CASR: variants seen among roughly 807,000 people sequenced by gnomAD.
CASR encodes calcium sensing receptor, also known as extracellular calcium-sensing receptor.
CASR carries 23 observed loss-of-function variants against 69.1 expected under a neutral mutation model. The ratio of observed to expected loss-of-function variants is 0.33; its 90% CI spans 0.24 to 0.47. The LOEUF is 0.47. CASR is among the 20% of genes least tolerant of loss of function. CASR has a pLI of 1.00. For missense variants in CASR, 924 were observed against 1,356.1 expected (o/e 0.68, Z 5.00); for synonymous variants, 541 against 544.7 (o/e 0.99, Z 0.10).
intron 4 of CASR, among the ~76,000 whole-genome samples, chr3:122,274,513 C>T (rs749241935): frequency 1.3e-5 from 2 of 152,196 alleles, no homozygotes; most frequent in Non-Finnish European, 2.9e-5. Context: ...AATAATTTGG[C>T]CTCAGAAAGG....
At chr3:122,211,239 G>T (rs1382985131) in intron 1 of CASR, among the ~76,000 whole-genome samples, 2 of 152,116 alleles carry the variant, frequency 1.3e-5, no homozygotes, top group Non-Finnish European at 2.9e-5. Context: ...CTGACAAATG[G>T]GATCTAATTA....
intron 4 of CASR, among the ~76,000 whole-genome samples, chr3:122,262,903 G>A (rs1245233303): frequency 3.3e-5 from 5 of 152,114 alleles, no homozygotes; most frequent in Non-Finnish European, 7.3e-5. Flanking sequence ...CACAGCTTAG[G>A]ACAAAAGCAA....
chr3:122,291,412 G>T lies in CASR; in HGVS notation c.*6221G>T, dbSNP rs866905778. The T allele has an allele frequency of 7.3e-5, 11 of 151,718 alleles. No homozygotes were observed. Among genetic ancestry groups the T allele is most frequent in the Admixed American group, 2.0e-4 (3 of 15,216 alleles). The allele number at this position is 151,718 out of a possible 1,614,324, so 9.4% of individuals were successfully genotyped here. On this transcript the variant is annotated 3_prime_UTR_variant, in exon 7 of 7. Transcript: ENST00000639785. Reference sequence around the variant, plus strand: ...ACCTGTTGTTTCCTGACTTTTTAATGATCGCCATTCTAACTGGTGTGAGAT... The same window carrying T: ...ACCTGTTGTTTCCTGACTTTTTAATTATCGCCATTCTAACTGGTGTGAGAT...
intron 4 of CASR, among the ~76,000 whole-genome samples, chr3:122,267,784 A>T (rs760885132): frequency 3.9e-5 from 6 of 151,970 alleles, no homozygotes; most frequent in South Asian, 2.1e-4. Flanking sequence ...AAAAGTTGAT[A>T]AAAAAAATAA....
At position 122,261,698 on chromosome 3, in the gene CASR, G is replaced by A. The variant is rs750830429; in HGVS notation, c.663G>A (p.Pro221=). ...CAGCTGATGACGACTATGGGCGGCC[G>A]GGGATTGAGAAATTCCGAGAGGAAG... ...TIAADDDYGR[P]GIEKFREEAE... The change falls in exon 4 of 7, where the codon CCG becomes CCA. Residue 221 remains proline, a synonymous_variant. Transcript: ENST00000639785. 5.6e-6 allele frequency: 9 copies of A among 1,614,066 alleles called. No homozygotes were observed. Among genetic ancestry groups the A allele is most frequent in the African/African-American group, 5.3e-5 (4 of 74,932 alleles).
chr3:122,199,647 TAAA>T (rs1190552953), intron 1 of CASR, among the ~76,000 whole-genome samples: 2 of 152,046 alleles, frequency 1.3e-5, no homozygotes, highest in African/African-American at 4.8e-5. Context: ...TGTGAGGGTT[TAAA>T]AAAACACATA....
intron 1 of CASR, among the ~76,000 whole-genome samples, chr3:122,219,733 G>T (rs2107601163): frequency 1.3e-5 from 2 of 152,372 alleles, no homozygotes; most frequent in South Asian, 4.1e-4. Flanking sequence ...ACCATTGGAT[G>T]AGACATTTGG....
Position 122,288,443 on chromosome 3 carries a change from C to T in CASR, c.*3252C>T, listed in dbSNP as rs115288158. 2 of 152,358 alleles carry T rather than the reference C, an allele frequency of 1.3e-5. No individual in the cohort carries two copies. The highest frequency in any genetic ancestry group is 2.9e-5 in the Non-Finnish European group (2 of 68,034). 9.4% of individuals were successfully genotyped at this position (152,358 alleles called of 1,614,324 possible). On this transcript the variant is annotated 3_prime_UTR_variant, in exon 7 of 7. Transcript: ENST00000639785. ...TGAAGTTTATAGTAATTTGTTTCAG[C>T]AGCAACAGAAAACAAATACATTTGT...
chr3:122,200,994 C>CTTTTTTTTTTTTTTTTTT lies in CASR; in HGVS notation c.-243+17192_-243+17193insTTTTTTTTTTTTTTTTTT, dbSNP rs67815991. Among the ~76,000 whole-genome samples, 3 of 81,614 alleles carry CTTTTTTTTTTTTTTTTTT rather than the reference C, an allele frequency of 3.7e-5. 1 individual carries two copies. Among genetic ancestry groups the CTTTTTTTTTTTTTTTTTT allele is most frequent in the Non-Finnish European group, 2.4e-5 (1 of 41,384 alleles). 53.5% of individuals were successfully genotyped at this position (81,614 alleles called of 152,430 possible). On this transcript the variant is annotated intron_variant, in intron 1 of 6. Coordinates refer to ENST00000639785, the MANE Select transcript of CASR (RefSeq NM_000388.4). The stretch of plus-strand genomic sequence containing the variant: ...TGAATATCTTTTGCCCATTGCTTTT[C>CTTTTTTTTTTTTTTTTTT]TTTTTTTTTTATTTTTTTTTTTTTT...
rs559717153 is a variant in CASR, at chr3:122,273,700, C to T, written c.1378-2112C>T. ...TCCCCAGCAGGAAGTGGGAGGGGCACGATTACAGCATGGAGAAGGATGATG... is the reference window on the plus strand; with the variant it reads ...TCCCCAGCAGGAAGTGGGAGGGGCATGATTACAGCATGGAGAAGGATGATG... On this transcript the variant is annotated intron_variant, in intron 4 of 6. Coordinates refer to ENST00000639785, the MANE Select transcript of CASR (RefSeq NM_000388.4). Among the ~76,000 whole-genome samples, 5 of 152,154 alleles carry T rather than the reference C, an allele frequency of 3.3e-5. No individual in the cohort carries two copies. The East Asian group carries it at 7.7e-4, about 23-fold the overall frequency.
At position 122,290,803 on chromosome 3, in the gene CASR, T is replaced by A. The variant is rs1408079900; in HGVS notation, c.*5612T>A. On this transcript the variant is annotated 3_prime_UTR_variant, in exon 7 of 7. Coordinates refer to ENST00000639785, the MANE Select transcript of CASR (RefSeq NM_000388.4). ...TGCAGGTTTGTTACATATGTATACA[T>A]GTGCCATGTTGGTGTGCTGTACCCA... 1 of 151,832 alleles carries A rather than the reference T, an allele frequency of 6.6e-6. No homozygotes were observed. The highest frequency in any genetic ancestry group is 1.5e-5 in the Non-Finnish European group (1 of 67,930). 9.4% of individuals were successfully genotyped at this position (151,832 alleles called of 1,614,324 possible). A position where few individuals can be genotyped will look rare whatever the true frequency, so the allele number is the denominator to read the frequency against.
At chr3:122,195,149 A>T (rs977003122) in intron 1 of CASR, among the ~76,000 whole-genome samples, 2 of 152,166 alleles carry the variant, frequency 1.3e-5, no homozygotes, top group Non-Finnish European at 2.9e-5. Flanking sequence ...CACTCAACTT[A>T]CACATCCCAG....
chr3:122,228,065 G>A (rs928178627), intron 1 of CASR, among the ~76,000 whole-genome samples: 1 of 152,194 alleles, frequency 6.6e-6, no homozygotes, highest in Non-Finnish European at 1.5e-5. Flanking sequence ...TCCAGTGGAA[G>A]AACATTGAAT....
intron 5 of CASR, among the ~76,000 whole-genome samples, chr3:122,279,572 A>T (rs752830562): frequency 6.6e-6 from 1 of 152,224 alleles, no homozygotes; most frequent in African/African-American, 2.4e-5. Flanking sequence ...CAAAGTTCAT[A>T]AATGTAGCTT....
rs527299754 is a variant in CASR, at chr3:122,203,866, G to A, written c.-243+20054G>A. Among the ~76,000 whole-genome samples the A allele has an allele frequency of 2.0e-3, 309 of 152,238 alleles. 1 individual carries two copies. The highest frequency in any genetic ancestry group is 3.5e-3 in the Non-Finnish European group (235 of 68,016). ...ATGGTATATGCAGTTTGTAGTGTAT[G>A]ACTATATTTAGATTTTCTTTAATGT... On this transcript the variant is annotated intron_variant, in intron 1 of 6. Coordinates refer to ENST00000639785, the MANE Select transcript of CASR (RefSeq NM_000388.4).
In CASR at chr3:122,257,336, A is replaced by G. The variant is rs908914926; in HGVS notation, c.441A>G (p.Ser147=). Residue 147 remains serine, a synonymous_variant, in exon 3 of 7, where the codon TCA becomes TCG. Transcript: ENST00000639785. ...STIAVVGATG[S]GVSTAVANLL... is the part of the protein sequence containing the mutation. ...TTGCTGTGGTGGGAGCAACTGGCTC[A>G]GGCGTCTCCACGGCAGTGGCAAATC... 2.5e-6 allele frequency: 4 copies of G among 1,614,202 alleles called. No individual in the cohort carries two copies. Among genetic ancestry groups the G allele is most frequent in the Non-Finnish European group, 3.4e-6 (4 of 1,180,008 alleles).
chr3:122,219,776 G>T (rs2074153518), intron 1 of CASR, among the ~76,000 whole-genome samples: 1 of 152,196 alleles, frequency 6.6e-6, no homozygotes, highest in Non-Finnish European at 1.5e-5. Context: ...TTTATTTGTG[G>T]AATACCAAGC....
chr3:122,246,744 T>C (rs2074431457), intron 1 of CASR: 1 of 152,220 alleles, frequency 6.6e-6, no homozygotes, highest in African/African-American at 2.4e-5. Context: ...GTCTTGTTTT[T>C]CTTTTAGAAG....
intron 2 of CASR, 91 bp downstream of exon 2, chr3:122,254,465 G>T (rs1333835265): frequency 3.1e-6 from 4 of 1,306,562 alleles, no homozygotes; most frequent in Admixed American, 3.5e-5. Flanking sequence ...TTCAAACTTT[G>T]TCCTATCTTT....
Sources: allele counts gnomAD v4.1 joint callset (sites outside exome capture counted in the v4.1 genomes callset), GRCh38; gene constraint gnomAD v4.1.1; transcripts MANE v1.5; gene names NCBI Gene and HGNC (gene_info 2026-07-23, HGNC 2026-07-21).